MICAL3: variants seen among roughly 807,000 people sequenced by gnomAD.
MICAL3 encodes the protein [F-actin]-monooxygenase MICAL3.
A neutral mutation model predicts 207.4 loss-of-function variants in MICAL3; 62 were observed. That is an observed-to-expected ratio of 0.30 (90% CI 0.24 to 0.37). MICAL3 has a LOEUF of 0.37. Ranked by LOEUF, MICAL3 falls within the 10% of genes least tolerant of loss-of-function variation. The pLI is 1.00. For missense variants in MICAL3, 2,368 were observed against 2,635.6 expected, an observed-to-expected ratio of 0.90 and a Z score of 2.22; for synonymous variants, 1,077 against 1,069.3, an observed-to-expected ratio of 1.01 and a Z score of -0.14.
chr22:17,877,475 T>TAGGGAGATTATGGAGGTG (rs1928890688), intron 16 of MICAL3, among the ~76,000 whole-genome samples: 1 of 84,424 alleles, frequency 1.2e-5, no homozygotes. Flanking sequence ...TTATGGAGGT[T>TAGGGAGATTATGGAGGTG]AGGGAGGTTA....
intron 16 of MICAL3, 28 bp downstream of exon 16, chr22:17,885,850 G>C (rs755303211): frequency 1.2e-6 from 2 of 1,609,492 alleles, no homozygotes; most frequent in East Asian, 2.2e-5. Context: ...GACCAAATCG[G>C]TGTGGGCAGG....
At position 17,882,923 on chromosome 22, in the gene MICAL3, G is replaced by A. The variant is rs373311394; in HGVS notation, c.2241+2955C>T. 2.6e-3 allele frequency among the ~76,000 whole-genome samples: 397 copies of A among 152,268 alleles called. 1 individual carries two copies. Among genetic ancestry groups the A allele is most frequent in the African/African-American group, 9.3e-3 (388 of 41,548 alleles). On this transcript the variant is annotated intron_variant, in intron 16 of 31. Transcript: ENST00000441493. ...ACTCAGGTGACAAGCTGCGCTGGCAGGGACTACCAACATTCTCCAGGGAGA... is the reference window on the plus strand; with the variant it reads ...ACTCAGGTGACAAGCTGCGCTGGCAAGGACTACCAACATTCTCCAGGGAGA...
intron 1 of MICAL3, among the ~76,000 whole-genome samples, chr22:17,974,110 T>C (rs1935533751): frequency 6.6e-6 from 1 of 152,146 alleles, no homozygotes. Flanking sequence ...AGAATGACTT[T>C]CCTGTTACTC....
At chr22:17,846,538 A>G (rs1924650295) in intron 19 of MICAL3, among the ~76,000 whole-genome samples, 2 of 152,198 alleles carry the variant, frequency 1.3e-5, no homozygotes, top group South Asian at 4.1e-4. Flanking sequence ...GGGCCTGGGC[A>G]GCGAAGACAG....
chr22:17,915,119 T>C (rs1932401630), intron 1 of MICAL3, among the ~76,000 whole-genome samples: 1 of 152,250 alleles, frequency 6.6e-6, no homozygotes, highest in African/African-American at 2.4e-5. Flanking sequence ...AAAAAAGCTG[T>C]TCTCCTCAAG....
At chr22:17,853,967 CT>C (rs1925618440) in intron 19 of MICAL3, among the ~76,000 whole-genome samples, 1 of 152,194 alleles carries the variant, frequency 6.6e-6, no homozygotes, top group African/African-American at 2.4e-5. Context: ...TTTGTGGGGG[CT>C]GACAGGTCTG....
rs1171935498 is a variant in MICAL3, at chr22:17,896,974, G to A, written c.956C>T (p.Ala319Val). ...TCGGGAAAGCAGGAGCTCTGTGTCG[G>A]CGTAGTCCTGTCTCCAGAGAAAGAG... ...LDKGVILHDYADTELLLSREN... is the reference protein window; with the variant it reads ...LDKGVILHDYVDTELLLSREN... Residue 319 changes from alanine (A) to valine (V), a missense_variant, in exon 8 of 32, where the codon GCC becomes GTC. Around this residue, in one of 4 missense-constraint regions of MICAL3, gnomAD observed 400 missense variants for 547.0 expected, o/e 0.73. Transcript: ENST00000441493. 6.2e-7 allele frequency: 1 copy of A among 1,611,642 alleles called. No individual in the cohort carries two copies. Among genetic ancestry groups the A allele is most frequent in the East Asian group, 2.2e-5 (1 of 44,840 alleles).
intron 29 of MICAL3, among the ~76,000 whole-genome samples, chr22:17,794,715 C>G (rs1056492245): frequency 3.3e-5 from 5 of 152,162 alleles, no homozygotes; most frequent in Admixed American, 2.0e-4. Flanking sequence ...GGTGAGCTGA[C>G]AGGACACGCC....
At chr22:17,988,459 T>G (rs1229243049) in intron 1 of MICAL3, among the ~76,000 whole-genome samples, 3 of 152,184 alleles carry the variant, frequency 2.0e-5, no homozygotes, top group African/African-American at 7.2e-5. Flanking sequence ...GGGTTTTTTT[T>G]GGTTTTGTTT....
chr22:17,892,631 C>T (rs934542635), intron 11 of MICAL3, among the ~76,000 whole-genome samples: 1 of 152,194 alleles, frequency 6.6e-6, no homozygotes, highest in Admixed American at 6.5e-5. Context: ...TCCAACCATC[C>T]AATATGTAAC....
In MICAL3 at chr22:17,871,871, C is replaced by T. The variant is rs151073968; in HGVS notation, c.2394G>A (p.Leu798=). The T allele has an allele frequency of 4.5e-4, 719 of 1,610,876 alleles. 4 individuals are homozygous for T. The African/African-American group carries it at 6.7e-3, about 15-fold the overall frequency. The change falls in exon 17 of 32, where the codon CTG becomes CTA. Residue 798 remains leucine (L), a synonymous_variant. Transcript: ENST00000441493. The part of the protein sequence containing the change: ...CFKCEYCATT[L]RLSAYAYDIE... ...TGTCGTAGGCGTAGGCCGAGAGGCG[C>T]AGGGTGGTGGCGCAGTACTCGCACT...
chr22:17,882,125 A>C (rs960258909), intron 16 of MICAL3, among the ~76,000 whole-genome samples: 1 of 152,138 alleles, frequency 6.6e-6, no homozygotes, highest in African/African-American at 2.4e-5. Context: ...ATGACAATCT[A>C]CTTCCAAACT....
At chr22:17,880,036 C>G (rs572901051) in intron 16 of MICAL3, among the ~76,000 whole-genome samples, 1 of 152,200 alleles carries the variant, frequency 6.6e-6, no homozygotes, top group African/African-American at 2.4e-5. Context: ...GAAGGCTCCT[C>G]GCATTACTCT....
In MICAL3 at chr22:17,864,938, G is replaced by A. The variant is rs774902078; in HGVS notation, c.2566C>T (p.Arg856Trp). 2.0e-5 allele frequency: 32 copies of A among 1,613,626 alleles called. No individual in the cohort carries two copies. In the Admixed American group the frequency reaches 2.2e-4, roughly 11 times the overall value. Reference sequence around the variant, plus strand: ...GTGGAGCTGGCCACGGCGTTGGCCCGTCCGTTTGCATCTGTGGTGGCGCCA... The same window carrying A: ...GTGGAGCTGGCCACGGCGTTGGCCCATCCGTTTGCATCTGTGGTGGCGCCA... ...QDGATTDANG[R>W]ANAVASSTER... is the part of the protein sequence containing the mutation. The change falls in exon 19 of 32, where the codon CGG (arginine) becomes TGG (tryptophan). Residue 856 changes from arginine (R) to tryptophan (W), a missense_variant. Coordinates refer to ENST00000441493, the MANE Select transcript of MICAL3 (RefSeq NM_015241.3).
At chr22:18,006,846 A>G (rs1923419607) in intron 1 of MICAL3, among the ~76,000 whole-genome samples, 1 of 151,922 alleles carries the variant, frequency 6.6e-6, no homozygotes, top group African/African-American at 2.4e-5. Context: ...ACACACACAC[A>G]AAAAAATTCT....
At chr22:17,791,999 G>A (rs905415328) in intron 29 of MICAL3, among the ~76,000 whole-genome samples, 4 of 152,192 alleles carry the variant, frequency 2.6e-5, no homozygotes, top group African/African-American at 9.6e-5. Flanking sequence ...CCCTGCCCTG[G>A]TCCAATCCAA....
At chr22:17,882,368 A>T in intron 16 of MICAL3, among the ~76,000 whole-genome samples, 1 of 152,082 alleles carries the variant, frequency 6.6e-6, no homozygotes, top group Non-Finnish European at 1.5e-5. Flanking sequence ...CTGCCTCTGA[A>T]CCACCTCCAG....
intron 1 of MICAL3, among the ~76,000 whole-genome samples, chr22:17,962,497 C>T (rs5992921): frequency 0.2 from 30,430 of 152,120 alleles, 3,202 homozygotes; most frequent in Middle Eastern, 0.27. Flanking sequence ...CAAAGCAGCA[C>T]CGCCTGATTG....
Position 17,810,750 on chromosome 22 carries a change from G to C in MICAL3, c.5509C>G (p.Arg1837Gly). The stretch of plus-strand genomic sequence containing the variant: ...AGCTCCTCCTGCTTGGCCTGTCTCC[G>C]AGCTGCCTTTTGCACACGCCGGGTC... ...KLTRRVQKAA[R>G]RQAKQEELKR... is the part of the protein sequence containing the mutation. Residue 1837 changes from arginine (R) to glycine (G), a missense_variant, in exon 28 of 32, where the codon CGG becomes GGG. By Grantham distance (125) the Arg-to-Gly change is moderately radical. This residue lies in a region of MICAL3 where 1,770 missense variants were observed against 1,863.2 expected (regional missense o/e 0.95). Coordinates refer to ENST00000441493, the MANE Select transcript of MICAL3 (RefSeq NM_015241.3). 1 of 1,613,938 alleles carries C rather than the reference G, an allele frequency of 6.2e-7. No individual in the cohort carries two copies. The highest frequency in any genetic ancestry group is 1.1e-5 in the South Asian group (1 of 91,070).
Sources: gnomAD v4.1 joint callset for allele counts (sites outside exome capture counted in the v4.1 genomes callset) on GRCh38, gnomAD v4.1.1 for gene constraint, gnomAD v4.1.1 regional missense constraint, MANE v1.5 for transcripts, NCBI Gene and HGNC (gene_info 2026-07-23, HGNC 2026-07-21) for gene names.